Variants in SPATA16 observed in about 807,000 individuals in gnomAD.
SPATA16 encodes the protein spermatogenesis associated 16, also known as spermatogenesis-associated protein 16.
SPATA16 carries 36 observed loss-of-function variants against 63.3 expected under a neutral mutation model. That is an observed-to-expected ratio of 0.57 (90% confidence interval 0.44 to 0.75). The LOEUF (loss-of-function observed/expected upper bound fraction) is 0.75. Among genes scored for constraint, SPATA16 ranks in the 30% least tolerant of loss-of-function variants. The pLI, the probability that SPATA16 is intolerant of heterozygous loss-of-function variation, is 0.00. For synonymous variants in SPATA16, 203 were observed against 216.7 expected (o/e 0.94, Z 0.56); for missense variants, 646 against 679.3 (o/e 0.95, Z 0.54).
At chr3:173,136,656 T>C (rs554414736) in intron 1 of SPATA16, among the ~76,000 whole-genome samples, 9 of 152,360 alleles carry the variant, frequency 5.9e-5, no homozygotes, top group African/African-American at 2.2e-4. Context: ...AATTTAGCTG[T>C]GGCAGAGGGA....
chr3:173,002,605 C>A (rs1348093564), intron 4 of SPATA16, among the ~76,000 whole-genome samples: 1 of 152,066 alleles, frequency 6.6e-6, no homozygotes, highest in East Asian at 1.9e-4. Context: ...GAACAAAAGG[C>A]AAAGAATAGA....
At chr3:173,036,567 T>C (rs1259784574) in intron 3 of SPATA16, among the ~76,000 whole-genome samples, 1 of 152,008 alleles carries the variant, frequency 6.6e-6, no homozygotes, top group East Asian at 1.9e-4. Context: ...AGTACAACAT[T>C]GATTGATATG....
intron 4 of SPATA16, among the ~76,000 whole-genome samples, chr3:172,988,604 G>A (rs1734506502): frequency 6.6e-6 from 1 of 152,176 alleles, no homozygotes; most frequent in African/African-American, 2.4e-5. Flanking sequence ...AAGGTTGATG[G>A]AACAGATGCT....
chr3:172,910,176 C>A (rs997153610), intron 10 of SPATA16, among the ~76,000 whole-genome samples: 1 of 151,082 alleles, frequency 6.6e-6, no homozygotes, highest in Non-Finnish European at 1.5e-5. Flanking sequence ...TCACTGCAAC[C>A]TCTGCCTCCT....
chr3:172,905,968 G>C (rs560502745), intron 10 of SPATA16, among the ~76,000 whole-genome samples: 2 of 152,312 alleles, frequency 1.3e-5, no homozygotes, highest in South Asian at 4.1e-4. Flanking sequence ...AGGCATAGCA[G>C]AACAAGACAA....
At chr3:173,062,825 A>G (rs1198506254) in intron 2 of SPATA16, among the ~76,000 whole-genome samples, 1 of 152,152 alleles carries the variant, frequency 6.6e-6, no homozygotes, top group Non-Finnish European at 1.5e-5. Context: ...TCTTCCTCAG[A>G]TTATCAGGCA....
At chr3:172,996,114 T>G (rs773528572) in intron 4 of SPATA16, among the ~76,000 whole-genome samples, 1 of 152,144 alleles carries the variant, frequency 6.6e-6, no homozygotes, top group Non-Finnish European at 1.5e-5. Context: ...TCTTTCAAAT[T>G]AGTTTTGCTT....
intron 2 of SPATA16, among the ~76,000 whole-genome samples, chr3:173,081,837 A>G (rs907293734): frequency 1.3e-5 from 2 of 152,208 alleles, no homozygotes; most frequent in Non-Finnish European, 2.9e-5. Context: ...GCTAATATTC[A>G]CCATTAAGTA....
Position 173,034,484 on chromosome 3 carries a change from C to T in SPATA16, c.758+14465G>A, listed in dbSNP as rs568987443. Among the ~76,000 whole-genome samples the T allele has an allele frequency of 1.6e-4, 24 of 152,156 alleles. No individual in the cohort carries two copies. In the South Asian group the frequency reaches 4.4e-3, roughly 28 times the overall value. ...ATATTAACATCATAATTTTTTGATTCGTGGAAGTATTAAATTACATCCAGG... is the reference window on the plus strand; with the variant it reads ...ATATTAACATCATAATTTTTTGATTTGTGGAAGTATTAAATTACATCCAGG... On this transcript the variant is annotated intron_variant, in intron 3 of 10. Coordinates refer to ENST00000351008, the MANE Select transcript of SPATA16 (RefSeq NM_031955.6).
In SPATA16 at chr3:172,948,302, A is replaced by G. The variant is rs781059985; in HGVS notation, c.1081+8375T>C. On this transcript the variant is annotated intron_variant, in intron 6 of 10. Transcript: ENST00000351008. ...CAGCCGACTTCTCTGTGGAAACCTT[A>G]TAGGCCAGGCCGGAGTAGCATGACA... Among the ~76,000 whole-genome samples the G allele has an allele frequency of 1.1e-4, 16 of 152,230 alleles. 1 individual carries two copies. Among genetic ancestry groups the G allele is most frequent in the Non-Finnish European group, 2.2e-4 (15 of 68,036 alleles).
chr3:173,052,495 G>A (rs183604208), intron 2 of SPATA16, among the ~76,000 whole-genome samples: 20 of 152,200 alleles, frequency 1.3e-4, no homozygotes, highest in Admixed American at 9.2e-4. Flanking sequence ...TGACTATATC[G>A]AAGATTGCTT....
chr3:172,961,065 T>TATTTCTTCCTTC (rs1560080300), intron 5 of SPATA16, among the ~76,000 whole-genome samples: 1 of 40,144 alleles, frequency 2.5e-5, no homozygotes. Flanking sequence ...CTTTCTTTCT[T>TATTTCTTCCTTC]CTTTCTTCCT....
intron 2 of SPATA16, among the ~76,000 whole-genome samples, chr3:173,110,757 C>A (rs1737732031): frequency 6.6e-6 from 1 of 152,188 alleles, no homozygotes; most frequent in Non-Finnish European, 1.5e-5. Context: ...AAATTCAGTG[C>A]CCTGTCCATC....
intron 10 of SPATA16, among the ~76,000 whole-genome samples, chr3:172,910,957 C>T (rs1024332006): frequency 1.3e-5 from 2 of 152,224 alleles, no homozygotes; most frequent in African/African-American, 4.8e-5. Context: ...AGCCTTGCAA[C>T]TCCAAATCCG....
At chr3:172,986,081 CCAGGGT>C (rs1342980649) in intron 4 of SPATA16, among the ~76,000 whole-genome samples, 4 of 152,162 alleles carry the variant, frequency 2.6e-5, no homozygotes, top group African/African-American at 9.7e-5. Context: ...TGGGAACAAT[CCAGGGT>C]TATCTGTATT....
At chr3:173,047,920 T>G (rs185169534) in intron 3 of SPATA16, among the ~76,000 whole-genome samples, 16 of 152,234 alleles carry the variant, frequency 1.1e-4, no homozygotes, top group Admixed American at 1.0e-3. Context: ...CTGTAGGTTC[T>G]TGAGGTCAAG....
At chr3:173,128,914 T>C (rs1738298463) in intron 1 of SPATA16, among the ~76,000 whole-genome samples, 1 of 152,260 alleles carries the variant, frequency 6.6e-6, no homozygotes, top group Non-Finnish European at 1.5e-5. Flanking sequence ...ATTCACATGC[T>C]TTATTTTGCT....
At chr3:173,093,617 C>T (rs1737277031) in intron 2 of SPATA16, among the ~76,000 whole-genome samples, 1 of 152,172 alleles carries the variant, frequency 6.6e-6, no homozygotes, top group South Asian at 2.1e-4. Context: ...AAATCATATT[C>T]ATCATGCAAA....
chr3:173,137,879 ACACAC>A (rs1738594273), intron 1 of SPATA16, among the ~76,000 whole-genome samples: 1 of 151,462 alleles, frequency 6.6e-6, no homozygotes, highest in East Asian at 1.9e-4. Context: ...ACACAGACAC[ACACAC>A]GTCTCCCTAA....
Sources: allele counts gnomAD v4.1 joint callset (sites outside exome capture counted in the v4.1 genomes callset), GRCh38; gene constraint gnomAD v4.1.1; transcripts MANE v1.5; gene names NCBI Gene and HGNC (gene_info 2026-07-23, HGNC 2026-07-21).